The following CSMD1 variants were observed in gnomAD, a reference collection of about 807,000 sequenced individuals.
The protein encoded by CSMD1 is CUB and Sushi multiple domains 1.
CSMD1 carries 213 observed loss-of-function variants against 417.5 expected under a neutral mutation model. The ratio of observed to expected loss-of-function variants is 0.51; its 90% CI spans 0.46 to 0.57. The LOEUF (loss-of-function observed/expected upper bound fraction) is 0.57. CSMD1 is among the 20% of genes least tolerant of loss of function. The probability of loss-of-function intolerance (pLI) is 0.00; values close to 1 mark genes in which losing one functional copy is unlikely to be tolerated. For synonymous variants in CSMD1, 2,862 were observed against 1,736.8 expected, an observed-to-expected ratio of 1.65 and a Z score of -16.11; for missense variants, 6,923 against 4,529.7, an observed-to-expected ratio of 1.53 and a Z score of -15.17.
intron 3 of CSMD1, among the ~76,000 whole-genome samples, chr8:4,032,574 C>G (rs1173338740): frequency 6.6e-6 from 1 of 152,010 alleles, no homozygotes; most frequent in Non-Finnish European, 1.5e-5. Context: ...ACATCATTAC[C>G]CAACGCTCAA....
chr8:3,708,933 C>G (rs1433759381), intron 6 of CSMD1, among the ~76,000 whole-genome samples: 1 of 152,068 alleles, frequency 6.6e-6, no homozygotes, highest in Non-Finnish European at 1.5e-5. Context: ...TTCATATATT[C>G]ATTTACTCAC....
intron 8 of CSMD1, among the ~76,000 whole-genome samples, chr8:3,615,661 T>C (rs898019606): frequency 6.6e-6 from 1 of 152,172 alleles, no homozygotes; most frequent in African/African-American, 2.4e-5. Flanking sequence ...TTACTCCAAT[T>C]TAACTAAAAA....
intron 26 of CSMD1, among the ~76,000 whole-genome samples, chr8:3,249,043 G>A (rs1800082416): frequency 6.6e-6 from 1 of 152,138 alleles, no homozygotes; most frequent in African/African-American, 2.4e-5. Context: ...AAACCAAGTA[G>A]CTTCACAGTG....
At chr8:4,279,587 C>A (rs920639032) in intron 3 of CSMD1, among the ~76,000 whole-genome samples, 1 of 152,068 alleles carries the variant, frequency 6.6e-6, no homozygotes. Flanking sequence ...GGTTTTATTG[C>A]CCTAAACAAA....
chr8:4,262,397 A>C (rs1006090225), intron 3 of CSMD1, among the ~76,000 whole-genome samples: 1 of 152,192 alleles, frequency 6.6e-6, no homozygotes, highest in African/African-American at 2.4e-5. Context: ...AAACCAGAAT[A>C]AAGGCAGGTT....
At chr8:3,671,113 G>A (rs1002808807) in intron 7 of CSMD1, among the ~76,000 whole-genome samples, 11 of 145,606 alleles carry the variant, frequency 7.6e-5, no homozygotes, top group East Asian at 2.0e-4. Flanking sequence ...GGATATATAT[G>A]TATATGGGAT....
At chr8:4,264,293 C>T (rs77764164) in intron 3 of CSMD1, among the ~76,000 whole-genome samples, 3 of 152,182 alleles carry the variant, frequency 2.0e-5, no homozygotes, top group African/African-American at 4.8e-5. Context: ...CATTATTGTA[C>T]GTAGAATTTC....
intron 5 of CSMD1, among the ~76,000 whole-genome samples, chr8:3,845,343 T>A (rs1803429455): frequency 6.6e-6 from 1 of 152,190 alleles, no homozygotes; most frequent in African/African-American, 2.4e-5. Context: ...CGATACAGCA[T>A]GTTGCTCCTG....
At chr8:3,152,025 G>A (rs950207329) in intron 39 of CSMD1, among the ~76,000 whole-genome samples, 1 of 152,200 alleles carries the variant, frequency 6.6e-6, no homozygotes, top group African/African-American at 2.4e-5. Context: ...GACATGCCTG[G>A]TAAACAGTAC....
intron 5 of CSMD1, among the ~76,000 whole-genome samples, chr8:3,988,468 C>T (rs1404792520): frequency 1.3e-5 from 2 of 152,190 alleles, no homozygotes; most frequent in Non-Finnish European, 2.9e-5. Flanking sequence ...CCTCTCACAG[C>T]TCAGGCTCTG....
intron 3 of CSMD1, among the ~76,000 whole-genome samples, chr8:4,128,491 C>T (rs549177994): frequency 2.0e-5 from 3 of 150,088 alleles, no homozygotes; most frequent in African/African-American, 7.4e-5. Context: ...AAATTTAAAA[C>T]AACCAAACAA....
At chr8:3,529,889 G>A (rs1186799192) in intron 10 of CSMD1, among the ~76,000 whole-genome samples, 1 of 152,142 alleles carries the variant, frequency 6.6e-6, no homozygotes, top group Non-Finnish European at 1.5e-5. Context: ...AGGGCAAGCT[G>A]CTTATGGAAA....
intron 12 of CSMD1, among the ~76,000 whole-genome samples, chr8:3,431,497 A>ACCAAT (rs1814215404): frequency 6.6e-6 from 1 of 151,950 alleles, no homozygotes; most frequent in South Asian, 2.1e-4. Flanking sequence ...CGCCTCCCTG[A>ACCAAT]CCCATCCCAT....
At chr8:3,472,244 T>G (rs1373665634) in intron 11 of CSMD1, among the ~76,000 whole-genome samples, 1 of 152,094 alleles carries the variant, frequency 6.6e-6, no homozygotes, top group African/African-American at 2.4e-5. Context: ...TGGTCATACC[T>G]TGCACCTTCC....
intron 26 of CSMD1, among the ~76,000 whole-genome samples, chr8:3,262,921 A>AGT (rs1801185060): frequency 6.6e-6 from 1 of 152,208 alleles, no homozygotes; most frequent in Non-Finnish European, 1.5e-5. Context: ...GAGAAAACTC[A>AGT]GTAGGAATCC....
At chr8:4,503,028 C>T (rs902511094) in intron 2 of CSMD1, among the ~76,000 whole-genome samples, 6 of 150,074 alleles carry the variant, frequency 4.0e-5, no homozygotes, top group African/African-American at 1.2e-4. Context: ...ATAATTGAAA[C>T]GTTTATGAAA....
chr8:3,219,117 T>A, intron 29 of CSMD1, 138 bp downstream of exon 29: 1 of 633,118 alleles, frequency 1.6e-6, no homozygotes, highest in South Asian at 2.1e-5. Context: ...GGAGGAGACA[T>A]GTATCTTCCC....
intron 1 of CSMD1, among the ~76,000 whole-genome samples, chr8:4,948,527 G>C (rs537802361): frequency 6.6e-6 from 1 of 151,864 alleles, no homozygotes; most frequent in Non-Finnish European, 1.5e-5. Context: ...ATAATCTTGT[G>C]AATACTGGTT....
chr8:4,276,274 C>G (rs1372089958), intron 3 of CSMD1, among the ~76,000 whole-genome samples: 2 of 152,164 alleles, frequency 1.3e-5, no homozygotes, highest in Non-Finnish European at 2.9e-5. Flanking sequence ...CACATATACA[C>G]CACGGAATAC....
Sources: allele counts gnomAD v4.1 joint callset (sites outside exome capture counted in the v4.1 genomes callset), GRCh38; gene constraint gnomAD v4.1.1; transcripts MANE v1.5; gene names NCBI Gene and HGNC (gene_info 2026-07-23, HGNC 2026-07-21).